The following ITGA1 variants were observed in gnomAD, a reference collection of about 807,000 sequenced individuals.
ITGA1 encodes the protein integrin subunit alpha 1.
A neutral mutation model predicts 145.9 loss-of-function variants in ITGA1; 85 were observed. That is an observed-to-expected ratio of 0.58 (90% CI 0.49 to 0.70). The LOEUF (loss-of-function observed/expected upper bound fraction) is 0.70. ITGA1 is among the 30% of genes least tolerant of loss of function. The probability of loss-of-function intolerance (pLI) is 0.00; values close to 1 mark genes in which losing one functional copy is unlikely to be tolerated. For synonymous variants in ITGA1, 520 were observed against 495.3 expected (o/e 1.05, Z -0.66); for missense variants, 1,351 against 1,418.7 (o/e 0.95, Z 0.77).
At chr5:52,930,356 A>G (rs1750876616) in intron 21 of ITGA1, among the ~76,000 whole-genome samples, 1 of 152,162 alleles carries the variant, frequency 6.6e-6, no homozygotes, top group Non-Finnish European at 1.5e-5. Flanking sequence ...TAATGGATTA[A>G]TTAATTCTGT....
intron 6 of ITGA1, among the ~76,000 whole-genome samples, chr5:52,877,292 A>G (rs982430453): frequency 5.9e-5 from 9 of 152,186 alleles, no homozygotes; most frequent in African/African-American, 2.2e-4. Context: ...GAGGGAGATC[A>G]GCAGCAAAGA....
intron 1 of ITGA1, among the ~76,000 whole-genome samples, chr5:52,812,395 G>A (rs62358447): frequency 0.26 from 40,155 of 152,014 alleles, 5,578 homozygotes; most frequent in Non-Finnish European, 0.3. Context: ...GGGGTGCAAG[G>A]ATTGTGTAAA....
At chr5:52,788,722 A>C (rs944784707) in intron 1 of ITGA1, among the ~76,000 whole-genome samples, 3 of 152,216 alleles carry the variant, frequency 2.0e-5, no homozygotes, top group African/African-American at 7.2e-5. Context: ...ATTGTATATT[A>C]GGACTTTGCT....
intron 19 of ITGA1, among the ~76,000 whole-genome samples, 189 bp downstream of exon 19, chr5:52,925,676 G>A (rs1325544953): frequency 6.6e-6 from 1 of 152,174 alleles, no homozygotes; most frequent in Non-Finnish European, 1.5e-5. Context: ...ATTCAAATAT[G>A]TATGTCTTTT....
intron 2 of ITGA1, among the ~76,000 whole-genome samples, chr5:52,851,495 AT>A (rs1469437102): frequency 2.0e-5 from 3 of 152,330 alleles, no homozygotes; most frequent in Admixed American, 6.5e-5. Context: ...CCTTGATGTC[AT>A]GAGGAATGTC....
At chr5:52,800,076 G>A (rs1186685969) in intron 1 of ITGA1, 7 of 342,050 alleles carry the variant, frequency 2.0e-5, no homozygotes, top group South Asian at 1.6e-4. Flanking sequence ...TCGCGGGACG[G>A]GGGCTGCGCA....
intron 28 of ITGA1, among the ~76,000 whole-genome samples, chr5:52,951,381 T>A (rs1751216380): frequency 6.6e-6 from 1 of 152,168 alleles, no homozygotes; most frequent in South Asian, 2.1e-4. Flanking sequence ...ATTGCAAAGA[T>A]CCCTTCTATC....
rs751174968 is a variant in ITGA1 at position 52,865,046 on chromosome 5, A to T, written c.460A>T (p.Thr154Ser). 1 of 1,613,838 alleles carries T rather than the reference A, an allele frequency of 6.2e-7. No individual in the cohort carries two copies. Among genetic ancestry groups the T allele is most frequent in the Non-Finnish European group, 8.5e-7 (1 of 1,179,798 alleles). ...TGGAATCTGTTCTGACGTCAGCCCC[A>T]CATTTCAAGTCGTGAATTCCATTGC... ...TTGICSDVSPTFQVVNSIAPV... is the reference protein window; with the variant it reads ...TTGICSDVSPSFQVVNSIAPV... Residue 154 changes from threonine (T) to serine (S), a missense_variant, in exon 5 of 29, where the codon ACA becomes TCA. Thr to Ser is a moderately conservative substitution (Grantham distance 58). Coordinates refer to ENST00000282588, the MANE Select transcript of ITGA1 (RefSeq NM_181501.2).
intron 15 of ITGA1, among the ~76,000 whole-genome samples, chr5:52,917,839 A>G (rs1370631065): frequency 6.6e-6 from 1 of 152,110 alleles, no homozygotes; most frequent in Non-Finnish European, 1.5e-5. Flanking sequence ...TGATGTTTAT[A>G]TTTTCTATGA....
At chr5:52,902,003 T>TC (rs1732361984) in intron 11 of ITGA1, 2 of 152,224 alleles carry the variant, frequency 1.3e-5, no homozygotes, top group African/African-American at 2.4e-5. Flanking sequence ...GTGTTTTTTT[T>TC]CACCCAAAAT....
Position 52,910,322 on chromosome 5 carries a change from A to G in ITGA1, c.1760A>G (p.Asn587Ser), listed in dbSNP as rs746944364. The G allele has an allele frequency of 5.0e-6, 8 of 1,613,882 alleles. No individual in the cohort carries two copies. Among genetic ancestry groups the G allele is most frequent in the Non-Finnish European group, 5.9e-6 (7 of 1,179,932 alleles). ...AAAGACCTCAATCTTGATGGATTTA[A>G]TGACATCGTGATAGGAGCTCCGCTG... ...AVKDLNLDGF[N>S]DIVIGAPLED... Residue 587 changes from asparagine (N) to serine (S), a missense_variant, in exon 14 of 29, where the codon AAT becomes AGT. Transcript: ENST00000282588.
At chr5:52,910,515 C>T in intron 14 of ITGA1, 96 bp downstream of exon 14, 1 of 1,308,068 alleles carries the variant, frequency 7.6e-7, no homozygotes, top group Non-Finnish European at 1.0e-6. Flanking sequence ...TTAATTTCTT[C>T]CTCCTGACCT....
intron 20 of ITGA1, among the ~76,000 whole-genome samples, chr5:52,929,120 G>T (rs1750858934): frequency 6.6e-6 from 1 of 152,174 alleles, no homozygotes; most frequent in Admixed American, 6.5e-5. Flanking sequence ...AAAGCCAGAA[G>T]TTTATTTCTC....
chr5:52,863,573 T>C (rs1749640447), intron 3 of ITGA1, among the ~76,000 whole-genome samples: 1 of 152,164 alleles, frequency 6.6e-6, no homozygotes, highest in Non-Finnish European at 1.5e-5. Flanking sequence ...TTCCCCTCCA[T>C]TTTCTGCCAC....
chr5:52,825,736 G>A (rs1435795639), intron 1 of ITGA1, among the ~76,000 whole-genome samples: 1 of 152,104 alleles, frequency 6.6e-6, no homozygotes, highest in East Asian at 1.9e-4. Context: ...TGGTCAACAT[G>A]GTGAAACCCC....
At chr5:52,835,016 T>C (rs80291922) in intron 1 of ITGA1, among the ~76,000 whole-genome samples, 1 of 152,306 alleles carries the variant, frequency 6.6e-6, no homozygotes, top group East Asian at 1.9e-4. Context: ...AAAGGCATTC[T>C]GAGTTGAATC....
At chr5:52,800,586 C>G in intron 1 of ITGA1, 3 of 1,613,620 alleles carry the variant, frequency 1.9e-6, no homozygotes, top group South Asian at 1.1e-5. Flanking sequence ...TCCGCACTAC[C>G]CTCACTCTCT....
Position 52,910,173 on chromosome 5 carries a change from A to G in ITGA1, c.1611A>G (p.Glu537=). 1 of 1,603,536 alleles carries G rather than the reference A, an allele frequency of 6.2e-7. No individual in the cohort carries two copies. Among genetic ancestry groups the G allele is most frequent in the Non-Finnish European group, 8.5e-7 (1 of 1,171,218 alleles). Reference sequence around the variant, plus strand: ...TATCTTTCTTCCAGACAAGGTTTGAATATCAAATGAGCCTGGAACCTATTA... The same window carrying G: ...TATCTTTCTTCCAGACAAGGTTTGAGTATCAAATGAGCCTGGAACCTATTA... The part of the protein sequence containing the change: ...YVYALNQTRF[E]YQMSLEPIKQ... Residue 537 remains glutamate, a synonymous_variant, in exon 14 of 29, where the codon GAA becomes GAG. Transcript: ENST00000282588.
chr5:52,871,020 A>G (rs189627251), intron 6 of ITGA1, among the ~76,000 whole-genome samples: 244 of 152,366 alleles, frequency 1.6e-3, no homozygotes, highest in Middle Eastern at 3.4e-3. Flanking sequence ...CTGGAAGGTC[A>G]GAAATCACAG....
Sources: gnomAD v4.1 joint callset for allele counts (sites outside exome capture counted in the v4.1 genomes callset) on GRCh38, gnomAD v4.1.1 for gene constraint, MANE v1.5 for transcripts, NCBI Gene and HGNC (gene_info 2026-07-23, HGNC 2026-07-21) for gene names.